The following PIK3AP1 variants were observed in gnomAD, a reference collection of about 807,000 sequenced individuals.
PIK3AP1 encodes phosphoinositide-3-kinase adaptor protein 1, also known as phosphoinositide 3-kinase adapter protein 1.
A neutral mutation model predicts 88.1 loss-of-function variants in PIK3AP1; 21 were observed. That is an observed-to-expected ratio of 0.24 (90% CI 0.17 to 0.34). PIK3AP1 has a LOEUF of 0.34. Ranked by LOEUF, PIK3AP1 falls within the 10% of genes least tolerant of loss-of-function variation. PIK3AP1 has a pLI of 1.00. For missense variants in PIK3AP1, 828 were observed against 1,035.7 expected, an observed-to-expected ratio of 0.80 and a Z score of 2.75; for synonymous variants, 398 against 400.0, an observed-to-expected ratio of 1.00 and a Z score of 0.06.
chr10:96,646,283 T>G (rs1258558739), intron 7 of PIK3AP1, among the ~76,000 whole-genome samples: 1 of 151,682 alleles, frequency 6.6e-6, no homozygotes, highest in Non-Finnish European at 1.5e-5. Flanking sequence ...TACTTTCCCG[T>G]GAGCACCTTT....
rs772836691 is a variant in PIK3AP1, at chr10:96,651,638, C to A, written c.726G>T (p.Gly242=). ...ISVKAPNLSS[G]NVSLKIYSGD... ...CAGAATATATCTTCAGAGAAACGTT[C>A]CCAGATGAAAGGTCTGAACAGAAGA... The change falls in exon 5 of 17, where the codon GGG becomes GGT. Residue 242 remains glycine, a synonymous_variant. Transcript: ENST00000339364. The A allele has an allele frequency of 6.2e-7, 1 of 1,614,024 alleles. No homozygotes were observed. Among genetic ancestry groups the A allele is most frequent in the South Asian group, 1.1e-5 (1 of 91,048 alleles).
intron 15 of PIK3AP1, among the ~76,000 whole-genome samples, chr10:96,602,791 T>C (rs1173953973): frequency 6.6e-6 from 1 of 152,136 alleles, no homozygotes; most frequent in Admixed American, 6.5e-5. Flanking sequence ...TGGATCAAGC[T>C]AGACACATGT....
chr10:96,616,529 C>T (rs1040838341), intron 13 of PIK3AP1, 110 bp downstream of exon 13: 85 of 1,106,982 alleles, frequency 7.7e-5, no homozygotes, highest in Admixed American at 1.1e-4. Context: ...AACAGTATGA[C>T]GAGTGCTGGG....
At chr10:96,657,998 G>C (rs892130339) in intron 2 of PIK3AP1, among the ~76,000 whole-genome samples, 16 of 149,464 alleles carry the variant, frequency 1.1e-4, no homozygotes, top group Non-Finnish European at 7.4e-5. Context: ...GGGAGGCAGA[G>C]GTTGCAGTGA....
intron 2 of PIK3AP1, among the ~76,000 whole-genome samples, chr10:96,701,265 G>A (rs1844294490): frequency 6.6e-6 from 1 of 152,138 alleles, no homozygotes; most frequent in African/African-American, 2.4e-5. Context: ...TCTCTTCCTT[G>A]AGCATTCTTC....
At chr10:96,632,936 G>A (rs1300111599) in intron 8 of PIK3AP1, 1 of 1,612,778 alleles carries the variant, frequency 6.2e-7, no homozygotes, top group Non-Finnish European at 8.5e-7. Flanking sequence ...CAAAGATAAA[G>A]GACACAAGCT....
intron 10 of PIK3AP1, among the ~76,000 whole-genome samples, chr10:96,625,138 A>T (rs934821131): frequency 1.3e-5 from 2 of 152,106 alleles, no homozygotes; most frequent in African/African-American, 4.8e-5. Context: ...ATGCGCAACT[A>T]AGAATTCTCC....
intron 10 of PIK3AP1, among the ~76,000 whole-genome samples, 185 bp downstream of exon 10, chr10:96,626,523 T>C (rs192240845): frequency 6.6e-6 from 1 of 152,350 alleles, no homozygotes; most frequent in East Asian, 1.9e-4. Flanking sequence ...GCACTGACTC[T>C]GGTCATTACT....
chr10:96,628,893 T>TACATATAC (rs1386024733), intron 8 of PIK3AP1, among the ~76,000 whole-genome samples: 1 of 53,428 alleles, frequency 1.9e-5, no homozygotes, highest in Non-Finnish European at 3.9e-5. Context: ...TATATACATA[T>TACATATAC]ATATATATAT....
At chr10:96,674,297 C>A (rs938161580) in intron 2 of PIK3AP1, among the ~76,000 whole-genome samples, 13 of 152,172 alleles carry the variant, frequency 8.5e-5, no homozygotes, top group African/African-American at 3.1e-4. Flanking sequence ...TTCAGCTAAG[C>A]CACAGAAGAC....
intron 2 of PIK3AP1, among the ~76,000 whole-genome samples, chr10:96,690,553 C>G (rs1157780218): frequency 6.6e-6 from 1 of 152,126 alleles, no homozygotes; most frequent in Non-Finnish European, 1.5e-5. Context: ...ACCATTGCAC[C>G]CAGCCCAAAA....
intron 11 of PIK3AP1, 113 bp downstream of exon 11, chr10:96,623,359 G>A (rs372019384): frequency 1.8e-5 from 19 of 1,060,818 alleles, no homozygotes; most frequent in African/African-American, 1.7e-4. Flanking sequence ...CATGATGCCT[G>A]GCCTAGATCC....
intron 4 of PIK3AP1, 52 bp from the exon 5 acceptor site, chr10:96,651,703 G>A (rs758649446): frequency 1.9e-6 from 3 of 1,592,808 alleles, no homozygotes; most frequent in Admixed American, 3.4e-5. Flanking sequence ...CAAGCATCCA[G>A]GGAAAAGTGG....
intron 9 of PIK3AP1, 78 bp downstream of exon 9, chr10:96,628,320 C>T: frequency 3.2e-6 from 4 of 1,266,740 alleles, no homozygotes; most frequent in Non-Finnish European, 4.6e-6. Flanking sequence ...GGGAGCAACC[C>T]TCATAGAGAA....
chr10:96,618,939 C>T (rs1390091641), intron 12 of PIK3AP1, among the ~76,000 whole-genome samples: 1 of 152,236 alleles, frequency 6.6e-6, no homozygotes, highest in African/African-American at 2.4e-5. Context: ...AGTGCCCTCC[C>T]ACCCTTCAGG....
At chr10:96,647,505 T>C (rs1436100183) in intron 7 of PIK3AP1, among the ~76,000 whole-genome samples, 1 of 151,878 alleles carries the variant, frequency 6.6e-6, no homozygotes, top group Non-Finnish European at 1.5e-5. Context: ...ATTTGGTACA[T>C]TTGTGACTTT....
chr10:96,708,111 G>A (rs1437903888), intron 2 of PIK3AP1, among the ~76,000 whole-genome samples: 1 of 152,156 alleles, frequency 6.6e-6, no homozygotes, highest in East Asian at 1.9e-4. Context: ...ATAGGGGTGG[G>A]TGAGACAAAT....
At position 96,628,417 on chromosome 10, in the gene PIK3AP1, C is replaced by A. The variant is rs2134208820; in HGVS notation, c.1452G>T (p.Met484Ile). 2 of 1,612,394 alleles carry A rather than the reference C, an allele frequency of 1.2e-6. No homozygotes were observed. The highest frequency in any genetic ancestry group is 1.7e-6 in the Non-Finnish European group (2 of 1,178,442). ...DGFSRATKDSMIRKFLEGNSM... is the reference protein window; with the variant it reads ...DGFSRATKDSIIRKFLEGNSM... ...ACTTACCTTCTAAAAACTTGCGGAT[C>A]ATAGAGTCCTTAGTGGCCCGAGAGA... Residue 484 changes from methionine (M) to isoleucine (I), a missense_variant, in exon 9 of 17, where the codon ATG becomes ATT. Coordinates refer to ENST00000339364, the MANE Select transcript of PIK3AP1 (RefSeq NM_152309.3).
At chr10:96,672,483 A>T (rs528431059) in intron 2 of PIK3AP1, among the ~76,000 whole-genome samples, 1 of 152,202 alleles carries the variant, frequency 6.6e-6, no homozygotes, top group Non-Finnish European at 1.5e-5. Context: ...GGCCTCTAAG[A>T]CTTTTATCCA....
Sources: gnomAD v4.1 joint callset for allele counts (sites outside exome capture counted in the v4.1 genomes callset) on GRCh38, gnomAD v4.1.1 for gene constraint, MANE v1.5 for transcripts, NCBI Gene and HGNC (gene_info 2026-07-23, HGNC 2026-07-21) for gene names.